The following ATP10B variants were observed in gnomAD, a reference collection of about 807,000 sequenced individuals.
ATP10B encodes the protein ATPase phospholipid transporting 10B (putative).
In ATP10B, 122 loss-of-function variants were observed where a neutral mutation model predicts 141.2. That is an observed-to-expected ratio of 0.86 (90% CI 0.75 to 1.00). The LOEUF (loss-of-function observed/expected upper bound fraction) is 1.00, where lower values mean the gene tolerates loss of function less well. Ranked by LOEUF, ATP10B falls within the 50% of genes least tolerant of loss-of-function variation. The pLI is 0.00. For synonymous variants in ATP10B, 685 were observed against 692.0 expected (o/e 0.99, Z 0.16); for missense variants, 1,876 against 1,825.3 (o/e 1.03, Z -0.51).
In ATP10B at chr5:160,694,650, C is replaced by T. The variant is rs536852371; in HGVS notation, c.-204-5707G>A. On this transcript the variant is annotated intron_variant, in intron 3 of 25. Coordinates refer to ENST00000327245, the MANE Select transcript of ATP10B (RefSeq NM_025153.3). ...TCCTTTCTGTTTCATTTTAATGAGC[C>T]CAAATAAACCCCATCTCTAGCAAGT... Among the ~76,000 whole-genome samples the T allele has an allele frequency of 1.8e-4, 27 of 152,228 alleles. 1 individual carries two copies. Among genetic ancestry groups the T allele is most frequent in the Admixed American group, 5.9e-4 (9 of 15,284 alleles).
At position 160,625,892 on chromosome 5, in the gene ATP10B, A is replaced by G. The variant is rs368771105; in HGVS notation, c.1621-3307T>C. Among the ~76,000 whole-genome samples, 76 of 152,298 alleles carry G rather than the reference A, an allele frequency of 5.0e-4. No homozygotes were observed. In the South Asian group the frequency reaches 0.015, roughly 30 times the overall value. ...GTCTGTTCATTAAAACTACTCTTTT[A>G]TATATTCCCATCCAATCTTGTAGCA... is the stretch of plus-strand genomic sequence containing the variant. On this transcript the variant is annotated intron_variant, in intron 13 of 25. Transcript: ENST00000327245.
intron 1 of ATP10B, among the ~76,000 whole-genome samples, chr5:160,819,210 G>C (rs912384286): frequency 7.2e-5 from 11 of 151,984 alleles, no homozygotes; most frequent in Non-Finnish European, 1.5e-4. Context: ...ATACAATGGA[G>C]CCCCAATATG....
chr5:160,770,033 A>G (rs1198124669), intron 2 of ATP10B, among the ~76,000 whole-genome samples: 2 of 152,228 alleles, frequency 1.3e-5, no homozygotes, highest in Non-Finnish European at 2.9e-5. Flanking sequence ...AAAGCCCACG[A>G]GAGCCAGTGT....
At chr5:160,818,186 A>C (rs1218601099) in intron 1 of ATP10B, among the ~76,000 whole-genome samples, 1 of 152,238 alleles carries the variant, frequency 6.6e-6, no homozygotes, top group Non-Finnish European at 1.5e-5. Context: ...GCACAGCAAA[A>C]GAAACTACCA....
chr5:160,815,980 A>G (rs1383642297), intron 1 of ATP10B, among the ~76,000 whole-genome samples: 1 of 151,930 alleles, frequency 6.6e-6, no homozygotes, highest in African/African-American at 2.4e-5. Context: ...CAAAGACACA[A>G]CATACCAGAA....
At chr5:160,872,939 A>C in the ATP10B span, among the ~76,000 whole-genome samples, 1 of 151,956 alleles carries the variant, frequency 6.6e-6, no homozygotes, top group Non-Finnish European at 1.5e-5. Context: ...TGGGGATTGC[A>C]TTGAATTTCT....
At chr5:160,683,084 A>G (rs2127741302) in intron 6 of ATP10B, among the ~76,000 whole-genome samples, 1 of 151,892 alleles carries the variant, frequency 6.6e-6, no homozygotes, top group African/African-American at 2.4e-5. Flanking sequence ...GAAAAGAAAA[A>G]AAAGAAAAAC....
At chr5:160,593,973 T>A (rs2127615946) in intron 22 of ATP10B, among the ~76,000 whole-genome samples, 1 of 152,314 alleles carries the variant, frequency 6.6e-6, no homozygotes, top group Non-Finnish European at 1.5e-5. Context: ...TGCAGGATAT[T>A]ATCCAGGAGA....
At chr5:160,765,382 C>G (rs958520504) in intron 2 of ATP10B, among the ~76,000 whole-genome samples, 5 of 151,934 alleles carry the variant, frequency 3.3e-5, no homozygotes, top group Non-Finnish European at 7.4e-5. Flanking sequence ...ACCAATGGAA[C>G]AGAATAGAGA....
chr5:160,611,201 C>T (rs1299747112), intron 18 of ATP10B, among the ~76,000 whole-genome samples: 1 of 152,120 alleles, frequency 6.6e-6, no homozygotes, highest in Non-Finnish European at 1.5e-5. Flanking sequence ...AAAGATTCGT[C>T]ATTGACTGAA....
chr5:160,573,688 G>A (rs1755015964), intron 24 of ATP10B, among the ~76,000 whole-genome samples: 1 of 152,174 alleles, frequency 6.6e-6, no homozygotes, highest in Non-Finnish European at 1.5e-5. Context: ...ATGATCTGAG[G>A]TGGAACAGTT....
In ATP10B at chr5:160,565,163, T is replaced by C. The variant is rs1581120756; in HGVS notation, c.*290A>G. Reference sequence around the variant, plus strand: ...ACGCTTATCTAGAGGGTCAGAAGAATGGCTTTGGTCTAAACCGATTTGAGA... The same window carrying C: ...ACGCTTATCTAGAGGGTCAGAAGAACGGCTTTGGTCTAAACCGATTTGAGA... On this transcript the variant is annotated 3_prime_UTR_variant, in exon 26 of 26. Transcript: ENST00000327245. 2 of 407,008 alleles carry C rather than the reference T, an allele frequency of 4.9e-6. No individual in the cohort carries two copies. Among genetic ancestry groups the C allele is most frequent in the Non-Finnish European group, 8.9e-6 (2 of 224,150 alleles). 25.2% of individuals were successfully genotyped at this position (407,008 alleles called of 1,614,324 possible).
At chr5:160,927,231 G>A in the ATP10B span, among the ~76,000 whole-genome samples, 1 of 152,160 alleles carries the variant, frequency 6.6e-6, no homozygotes, top group Non-Finnish European at 1.5e-5. Context: ...AAAGTGCACT[G>A]GAAATTTAAG....
At chr5:160,678,264 G>A (rs1416635970) in intron 6 of ATP10B, among the ~76,000 whole-genome samples, 1 of 152,146 alleles carries the variant, frequency 6.6e-6, no homozygotes, top group African/African-American at 2.4e-5. Flanking sequence ...TATAGAACTA[G>A]CAATTCCACC....
intron 1 of ATP10B, among the ~76,000 whole-genome samples, chr5:160,841,353 G>C (rs1057397069): frequency 2.6e-5 from 4 of 152,092 alleles, no homozygotes; most frequent in Non-Finnish European, 5.9e-5. Context: ...GAAAGAAGGA[G>C]AAGTAAGAGA....
intron 3 of ATP10B, among the ~76,000 whole-genome samples, chr5:160,689,598 C>A (rs1158081910): frequency 6.6e-6 from 1 of 152,014 alleles, no homozygotes; most frequent in African/African-American, 2.4e-5. Context: ...AAACAGAGAG[C>A]CAAATCATGA....
At chr5:160,864,014 A>T in the ATP10B span, among the ~76,000 whole-genome samples, 3 of 152,024 alleles carry the variant, frequency 2.0e-5, no homozygotes, top group South Asian at 2.1e-4. Flanking sequence ...TATATCAGGC[A>T]TTCAAAGAAG....
chr5:160,620,460 G>A lies in ATP10B; in HGVS notation c.2303C>T (p.Ser768Phe). 1 of 1,614,236 alleles carries A rather than the reference G, an allele frequency of 6.2e-7. No individual in the cohort carries two copies. Among genetic ancestry groups the A allele is most frequent in the Non-Finnish European group, 8.5e-7 (1 of 1,180,026 alleles). ...AACCACAGACATTCTCTTCCTGACA[G>A]AGTCAAAGCCCAGGGTGCAGAGGAG... The part of the protein sequence containing the change: ...FSLLCTLGFD[S>F]VRKRMSVVVR... The change falls in exon 15 of 26, where the codon TCT (serine) becomes TTT (phenylalanine). Residue 768 changes from serine (S) to phenylalanine (F), a missense_variant. Coordinates refer to ENST00000327245, the MANE Select transcript of ATP10B (RefSeq NM_025153.3).
chr5:160,619,741 G>A (rs538283363), intron 15 of ATP10B, among the ~76,000 whole-genome samples: 1 of 152,264 alleles, frequency 6.6e-6, no homozygotes, highest in South Asian at 2.1e-4. Context: ...AGGGACTTTG[G>A]AACATTTTTC....
Sources: gnomAD v4.1 joint callset for allele counts (sites outside exome capture counted in the v4.1 genomes callset) on GRCh38, gnomAD v4.1.1 for gene constraint, MANE v1.5 for transcripts, NCBI Gene and HGNC (gene_info 2026-07-23, HGNC 2026-07-21) for gene names.